PDCD11: variants seen among roughly 807,000 people sequenced by gnomAD.
PDCD11 encodes programmed cell death 11.
Under a neutral mutation model 198.9 loss-of-function variants are expected in PDCD11, and 97 were observed. The observed-to-expected ratio is 0.49, with a 90% CI of 0.41 to 0.58. PDCD11 has a LOEUF of 0.58. Among genes scored for constraint, PDCD11 ranks in the 20% least tolerant of loss-of-function variants. The probability of loss-of-function intolerance (pLI) is 0.00; values close to 1 mark genes in which losing one functional copy is unlikely to be tolerated. For missense variants in PDCD11, 2,102 were observed against 2,312.7 expected (o/e 0.91, Z 1.87); for synonymous variants, 893 against 918.0 (o/e 0.97, Z 0.49).
At position 103,436,041 on chromosome 10, in the gene PDCD11, T is replaced by A. The variant is rs180913474; in HGVS notation, c.3845+1066T>A. Among the ~76,000 whole-genome samples the A allele has an allele frequency of 2.4e-3, 371 of 151,818 alleles. 1 individual carries two copies. The highest frequency in any genetic ancestry group is 0.014 in the Middle Eastern group (4 of 294). The stretch of plus-strand genomic sequence containing the variant: ...TCTCTTGTTTTTTTCTTTTTTTTTT[T>A]TTTTGAGATAGAGTCTCGCTCTGTT... On this transcript the variant is annotated intron_variant, in intron 25 of 35. Coordinates refer to ENST00000369797, the MANE Select transcript of PDCD11 (RefSeq NM_014976.2).
chr10:103,444,797 A>G (rs554274345), intron 35 of PDCD11, 115 bp downstream of exon 35: 2 of 956,132 alleles, frequency 2.1e-6, no homozygotes, highest in African/African-American at 3.2e-5. Context: ...AACCAGCTAG[A>G]TGTGATGCCC....
rs1320122787 is a variant in PDCD11, at chr10:103,400,497, C to A, written c.203C>A (p.Ala68Glu). The A allele has an allele frequency of 6.2e-7, 1 of 1,613,920 alleles. No individual in the cohort carries two copies. The highest frequency in any genetic ancestry group is 1.1e-5 in the South Asian group (1 of 91,032). Residue 68 changes from alanine to glutamate, a missense_variant, in exon 3 of 36, where the codon GCA (alanine) becomes GAA (glutamate). Ala to Glu is a moderately radical substitution (Grantham distance 107, BLOSUM62 -1). Transcript: ENST00000369797. ...KIEKRESSKS[A>E]REKFEILSVE... ...GAAAAGAGAGAAAGCAGCAAGTCCG[C>A]AAGAGAGAAGTTTGAAATCCTTAGT...
intron 9 of PDCD11, 116 bp downstream of exon 9, chr10:103,413,438 G>A: frequency 1.3e-6 from 1 of 784,350 alleles, no homozygotes; most frequent in Non-Finnish European, 2.1e-6. Flanking sequence ...TTTGGATATT[G>A]TAGTTCTAAT....
intron 7 of PDCD11, among the ~76,000 whole-genome samples, chr10:103,408,973 A>G (rs892548076): frequency 6.6e-6 from 1 of 152,150 alleles, no homozygotes; most frequent in Non-Finnish European, 1.5e-5. Flanking sequence ...ATCTCCACCC[A>G]CGAGGGTCTA....
At chr10:103,424,007 C>T (rs189953191) in intron 19 of PDCD11, among the ~76,000 whole-genome samples, 44 of 152,284 alleles carry the variant, frequency 2.9e-4, no homozygotes, top group African/African-American at 1.1e-3. Flanking sequence ...CAGTCCCGCC[C>T]AATTGTTGCC....
intron 32 of PDCD11, 63 bp from the exon 33 acceptor site, chr10:103,443,102 T>G: frequency 6.9e-7 from 1 of 1,440,260 alleles, no homozygotes; most frequent in South Asian, 1.4e-5. Flanking sequence ...TGAGTCTGTC[T>G]GGATGGGGCG....
Position 103,414,331 on chromosome 10 carries a change from G to T in PDCD11, c.1371+1G>T, listed in dbSNP as rs2030980375. On this transcript the variant is annotated splice_donor_variant, in intron 11 of 35. Coordinates refer to ENST00000369797, the MANE Select transcript of PDCD11 (RefSeq NM_014976.2). LOFTEE classifies it high-confidence loss of function. ...CATCGAACCTGGGGCAGTGGTAAAGGTAAGACCTCAAGCATATAATTAGGT... is the reference window on the plus strand; with the variant it reads ...CATCGAACCTGGGGCAGTGGTAAAGTTAAGACCTCAAGCATATAATTAGGT... 1 of 1,611,102 alleles carries T rather than the reference G, an allele frequency of 6.2e-7. No homozygotes were observed. The highest frequency in any genetic ancestry group is 1.1e-5 in the South Asian group (1 of 90,986).
In PDCD11 at chr10:103,403,234, T is replaced by C; in HGVS notation, c.351T>C (p.Asp117=). ...TTGTGCAAGTCACTGAAATCTGTGATGCCTACACCAAAAAGCTGAATGAGC... is the reference window on the plus strand; with the variant it reads ...TTGTGCAAGTCACTGAAATCTGTGACGCCTACACCAAAAAGCTGAATGAGC... ...QGFVQVTEIC[D]AYTKKLNEQV... Residue 117 remains aspartate, a synonymous_variant, in exon 4 of 36, where the codon GAT becomes GAC. Transcript: ENST00000369797. The C allele has an allele frequency of 1.2e-6, 2 of 1,614,176 alleles. No homozygotes were observed. Among genetic ancestry groups the C allele is most frequent in the Non-Finnish European group, 1.7e-6 (2 of 1,180,022 alleles).
At chr10:103,428,560 T>C (rs2031797539) in intron 21 of PDCD11, among the ~76,000 whole-genome samples, 2 of 152,250 alleles carry the variant, frequency 1.3e-5, no homozygotes, top group African/African-American at 2.4e-5. Context: ...TATCTTCAAC[T>C]CTGACATGTG....
chr10:103,412,754 A>G (rs1419130424), intron 8 of PDCD11, among the ~76,000 whole-genome samples: 1 of 152,092 alleles, frequency 6.6e-6, no homozygotes, highest in Non-Finnish European at 1.5e-5. Flanking sequence ...GTGAGCCATG[A>G]TCCCCAGCCT....
Position 103,423,100 on chromosome 10 carries a change from C to T in PDCD11, c.2610C>T (p.Pro870=), listed in dbSNP as rs141472462. 71 of 1,596,030 alleles carry T rather than the reference C, an allele frequency of 4.4e-5. No homozygotes were observed. The African/African-American group carries it at 6.5e-4, about 15-fold the overall frequency. ...TGGTATTCAGTGGGGGTCCAGTGCCCGACCTGGTCCTGAAAGCCAGCAGAT... is the reference window on the plus strand; with the variant it reads ...TGGTATTCAGTGGGGGTCCAGTGCCTGACCTGGTCCTGAAAGCCAGCAGAT... ...GSVVFSGGPV[P]DLVLKASRYH... Residue 870 remains proline (P), a synonymous_variant, in exon 18 of 36, where the codon CCC becomes CCT. Coordinates refer to ENST00000369797, the MANE Select transcript of PDCD11 (RefSeq NM_014976.2).
In PDCD11 at chr10:103,443,243, C is replaced by G; in HGVS notation, c.5034C>G (p.Thr1678=). 1 of 1,612,920 alleles carries G rather than the reference C, an allele frequency of 6.2e-7. No individual in the cohort carries two copies. The highest frequency in any genetic ancestry group is 8.5e-7 in the Non-Finnish European group (1 of 1,179,032). ...ENMYGSQESL[T]KVFERAVQYN... The stretch of plus-strand genomic sequence containing the variant: ...TGTACGGCTCTCAGGAGTCCCTGAC[C>G]AAGGTCTTTGAGCGAGCCGTGCAGT... The change falls in exon 33 of 36, where the codon ACC becomes ACG. Residue 1678 remains threonine, a synonymous_variant. Coordinates refer to ENST00000369797, the MANE Select transcript of PDCD11 (RefSeq NM_014976.2).
At chr10:103,441,765 A>G (rs1279169586) in intron 30 of PDCD11, 61 bp from the exon 31 acceptor site, 27 of 1,524,628 alleles carry the variant, frequency 1.8e-5, no homozygotes, top group Middle Eastern at 2.3e-4. Context: ...GTGGGCTGGC[A>G]CGGGGGAACA....
chr10:103,438,149 A>G lies in PDCD11; in HGVS notation c.3902+78A>G, dbSNP rs547208541. 3 of 1,252,814 alleles carry G rather than the reference A, an allele frequency of 2.4e-6. No homozygotes were observed. The African/African-American group carries it at 4.4e-5, about 18-fold the overall frequency. The allele number at this position is 1,252,814 out of a possible 1,614,324, so 77.6% of individuals were successfully genotyped here. A position where few individuals can be genotyped will look rare whatever the true frequency, so the allele number is the denominator to read the frequency against. On this transcript the variant is annotated intron_variant, in intron 26 of 35. Coordinates refer to ENST00000369797, the MANE Select transcript of PDCD11 (RefSeq NM_014976.2). ...AGGGGAGGCTACGTGTATCTGACACAGAATTTTGGGCTTCCCACCTTCTCT... is the reference window on the plus strand; with the variant it reads ...AGGGGAGGCTACGTGTATCTGACACGGAATTTTGGGCTTCCCACCTTCTCT...
At chr10:103,419,011 C>T (rs1015089982) in intron 15 of PDCD11, among the ~76,000 whole-genome samples, 3 of 151,688 alleles carry the variant, frequency 2.0e-5, no homozygotes, top group Admixed American at 6.5e-5. Flanking sequence ...TATGCCTTCT[C>T]CCCGCGGGGC....
chr10:103,425,470 G>T lies in PDCD11; in HGVS notation c.3250G>T (p.Val1084Phe), dbSNP rs776742893. ...EGTSPTTKLK[V>F]GKTVTARVIG... ...CACCTCTCCTACTACCAAGCTGAAG[G>T]TTGGGAAGACGGTCACTGCCCGAGT... Residue 1084 changes from valine to phenylalanine, a missense_variant, in exon 20 of 36, where the codon GTT becomes TTT. By Grantham distance (50) the Val-to-Phe change is conservative. Coordinates refer to ENST00000369797, the MANE Select transcript of PDCD11 (RefSeq NM_014976.2). 5.0e-6 allele frequency: 8 copies of T among 1,613,944 alleles called. No homozygotes were observed. The highest frequency in any genetic ancestry group is 6.8e-6 in the Non-Finnish European group (8 of 1,179,954).
At chr10:103,441,337 A>C (rs1016518027) in intron 30 of PDCD11, among the ~76,000 whole-genome samples, 1 of 152,108 alleles carries the variant, frequency 6.6e-6, no homozygotes, top group Non-Finnish European at 1.5e-5. Context: ...GGCTCACTGC[A>C]ACCTCTGCCT....
Position 103,438,693 on chromosome 10 carries a change from C to T in PDCD11, c.3910C>T (p.Pro1304Ser), listed in dbSNP as rs767813727. The change falls in exon 27 of 36, where the codon CCG becomes TCG. Residue 1304 changes from proline to serine, a missense_variant. Physicochemically the swap from Pro to Ser is moderately conservative, Grantham distance 74. Coordinates refer to ENST00000369797, the MANE Select transcript of PDCD11 (RefSeq NM_014976.2). ...TLSLRSSRTN[P>S]ETKSKVEDPE... ...AGCCTTTTATTCCTTTAGAACAAAC[C>T]CGGAGACGAAAAGCAAAGTAGAAGA... 6.2e-7 allele frequency: 1 copy of T among 1,614,056 alleles called. No homozygotes were observed. Among genetic ancestry groups the T allele is most frequent in the East Asian group, 2.2e-5 (1 of 44,880 alleles).
intron 21 of PDCD11, among the ~76,000 whole-genome samples, chr10:103,427,696 A>G (rs2031757362): frequency 6.6e-6 from 1 of 152,192 alleles, no homozygotes; most frequent in Non-Finnish European, 1.5e-5. Flanking sequence ...TAACTCAGTA[A>G]TTCCCTAAAT....
Sources: allele counts gnomAD v4.1 joint callset (sites outside exome capture counted in the v4.1 genomes callset), GRCh38; gene constraint gnomAD v4.1.1; transcripts MANE v1.5; gene names NCBI Gene and HGNC (gene_info 2026-07-23, HGNC 2026-07-21).